Variants in TTF2 observed in about 807,000 individuals in gnomAD.
TTF2 encodes transcription termination factor 2, also known as RNA polymerase II termination factor.
In TTF2, 108 loss-of-function variants were observed where a neutral mutation model predicts 142.4. The ratio of observed to expected loss-of-function variants is 0.76; its 90% CI spans 0.65 to 0.89. The LOEUF is 0.89. Among genes scored for constraint, TTF2 ranks in the 40% least tolerant of loss-of-function variants. The pLI, the probability that TTF2 is intolerant of heterozygous loss-of-function variation, is 0.00. For synonymous variants in TTF2, 483 were observed against 506.2 expected, an observed-to-expected ratio of 0.95 and a Z score of 0.61; for missense variants, 1,327 against 1,379.8, an observed-to-expected ratio of 0.96 and a Z score of 0.61.
intron 3 of TTF2, among the ~76,000 whole-genome samples, chr1:117,072,675 A>C (rs1479055396): frequency 6.6e-6 from 1 of 152,016 alleles, no homozygotes; most frequent in Non-Finnish European, 1.5e-5. Flanking sequence ...CGCCCACCTC[A>C]GCCTCCCGAA....
intron 2 of TTF2, among the ~76,000 whole-genome samples, chr1:117,061,418 A>G (rs1202434721): frequency 6.6e-6 from 1 of 152,250 alleles, no homozygotes; most frequent in Non-Finnish European, 1.5e-5. Context: ...TTTTAAAACT[A>G]TCATCACATC....
rs1287711144 is a variant in TTF2, at chr1:117,079,195, A to T, written c.1702-373A>T. ...GCGGAGGCTGCAGTGGGCTGAGATC[A>T]CGCCACTGCACTCTAGCCTGGGCAA... On this transcript the variant is annotated intron_variant, in intron 8 of 22. Transcript: ENST00000369466. This position sits in a 1 kb window ranked among gnomAD's most constrained non-coding sequence, Gnocchi z 4.2. Among the ~76,000 whole-genome samples the T allele has an allele frequency of 1.3e-5, 2 of 152,142 alleles. No individual in the cohort carries two copies. Among genetic ancestry groups the T allele is most frequent in the African/African-American group, 2.4e-5 (1 of 41,428 alleles).
rs1648665293 is a variant in TTF2 at position 117,092,299 on chromosome 1, T to G, written c.2805+349T>G. Among the ~76,000 whole-genome samples, 1 of 152,286 alleles carries G rather than the reference T, an allele frequency of 6.6e-6. No individual in the cohort carries two copies. Among genetic ancestry groups the G allele is most frequent in the South Asian group, 2.1e-4 (1 of 4,820 alleles). Reference sequence around the variant, plus strand: ...CATAAAGCTAATTTAGTTCTTGGGGTTTTCTGCTTTCAGGCAGTTTTGGGG... The same window carrying G: ...CATAAAGCTAATTTAGTTCTTGGGGGTTTCTGCTTTCAGGCAGTTTTGGGG... On this transcript the variant is annotated intron_variant, in intron 17 of 22. Coordinates refer to ENST00000369466, the MANE Select transcript of TTF2 (RefSeq NM_003594.4). This position sits in a 1 kb window ranked among gnomAD's most constrained non-coding sequence, Gnocchi z 4.4.
intron 3 of TTF2, among the ~76,000 whole-genome samples, chr1:117,071,255 C>T (rs1010703583): frequency 6.6e-6 from 1 of 151,610 alleles, no homozygotes; most frequent in Non-Finnish European, 1.5e-5. Flanking sequence ...ACAGCTGAAC[C>T]GCCCACCAAG....
rs1360078377 is a variant in TTF2, at chr1:117,073,103, G to A, written c.219-558G>A. ...TTTTTTTCTCCCTCGTAACTTATTT[G>A]TGGAAGGGATCAGGTTGTTTGTCCT... On this transcript the variant is annotated intron_variant, in intron 3 of 22. Transcript: ENST00000369466. This position sits in a 1 kb window ranked among gnomAD's most constrained non-coding sequence, Gnocchi z 4.4. Among the ~76,000 whole-genome samples, 1 of 152,120 alleles carries A rather than the reference G, an allele frequency of 6.6e-6. No individual in the cohort carries two copies. Among genetic ancestry groups the A allele is most frequent in the African/African-American group, 2.4e-5 (1 of 41,404 alleles).
At position 117,081,892 on chromosome 1, in the gene TTF2, A is replaced by T. The variant is rs761493577; in HGVS notation, c.1848A>T (p.Gln616His). ...MIALILTQKN[Q>H]EKKEEKEKST... is the part of the protein sequence containing the mutation. ...CGCTCATCCTGACCCAGAAGAATCA[A>T]GAGAAAAAGGAAGAAAAGGAGAAAA... The change falls in exon 10 of 23, where the codon CAA becomes CAT. Residue 616 changes from glutamine (Q) to histidine (H), a missense_variant. Physicochemically the swap from Gln to His is conservative, Grantham distance 24. Coordinates refer to ENST00000369466, the MANE Select transcript of TTF2 (RefSeq NM_003594.4). 3 of 1,614,106 alleles carry T rather than the reference A, an allele frequency of 1.9e-6. No individual in the cohort carries two copies. The highest frequency in any genetic ancestry group is 2.5e-6 in the Non-Finnish European group (3 of 1,180,046).
chr1:117,081,563 C>A (rs1647513191), intron 9 of TTF2, among the ~76,000 whole-genome samples: 1 of 152,094 alleles, frequency 6.6e-6, no homozygotes, highest in South Asian at 2.1e-4. Context: ...AACATAGGGA[C>A]TAGAATAATA....
chr1:117,078,266 A>T (rs991624302), intron 8 of TTF2, among the ~76,000 whole-genome samples: 1 of 152,236 alleles, frequency 6.6e-6, no homozygotes, highest in African/African-American at 2.4e-5. Flanking sequence ...GCAGTAAAGG[A>T]TCCATTTGTT....
intron 16 of TTF2, 140 bp downstream of exon 16, chr1:117,091,550 CTACTGAT>C: frequency 1.1e-6 from 1 of 923,628 alleles, no homozygotes. Context: ...AGAGTAAAAT[CTACTGAT>C]TGCAAACACG....
At position 117,087,353 on chromosome 1, in the gene TTF2, G is replaced by A. The variant is rs1052409469; in HGVS notation, c.2160+831G>A. ...TGTCGCCCAGGATGGAGTGCATGGT[G>A]CGATCTTGGCTCACTGCAACCTCTG... On this transcript the variant is annotated intron_variant, in intron 12 of 22. Transcript: ENST00000369466. The surrounding 1 kb of genome is among the most constrained non-coding windows in gnomAD (Gnocchi z 4.8). 2.0e-4 allele frequency among the ~76,000 whole-genome samples: 30 copies of A among 152,242 alleles called. No homozygotes were observed. Among genetic ancestry groups the A allele is most frequent in the African/African-American group, 7.2e-4 (30 of 41,548 alleles).
In TTF2 at chr1:117,090,165, TGAG is replaced by T; in HGVS notation, c.2457_2459del (p.Arg820del). ...AGTATTTTAACCAAGAGCCTTTTGC[TGAG>T]GAGAACAAAAGACCAGCTGGACTCT... On this transcript the variant is annotated inframe_deletion, in exon 14 of 23. Transcript: ENST00000369466. This position sits in a 1 kb window ranked among gnomAD's most constrained non-coding sequence, Gnocchi z 4.8. The T allele has an allele frequency of 6.2e-7, 1 of 1,614,126 alleles. No homozygotes were observed. Among genetic ancestry groups the T allele is most frequent in the Non-Finnish European group, 8.5e-7 (1 of 1,179,994 alleles).
Position 117,075,694 on chromosome 1 carries a change from A to G in TTF2, c.1110A>G (p.Leu370=). Residue 370 remains leucine (L), a synonymous_variant, in exon 5 of 23, where the codon CTA becomes CTG. Transcript: ENST00000369466. This position sits in a 1 kb window ranked among gnomAD's most constrained non-coding sequence, Gnocchi z 4.5. ...TTTCCTCTAAGCCTGGGAGCCCCCT[A>G]CTCTTTGACTCGACTCTGGACTTAG... ...VFVSSKPGSP[L]LFDSTLDLET... is the part of the protein sequence containing the mutation. 6.2e-7 allele frequency: 1 copy of G among 1,613,882 alleles called. No individual in the cohort carries two copies.
Position 117,075,213 on chromosome 1 carries a change from G to A in TTF2, c.629G>A (p.Gly210Asp). 6.2e-7 allele frequency: 1 copy of A among 1,614,166 alleles called. No homozygotes were observed. Among genetic ancestry groups the A allele is most frequent in the Non-Finnish European group, 8.5e-7 (1 of 1,180,038 alleles). The change falls in exon 5 of 23, where the codon GGC (glycine) becomes GAC (aspartate). Residue 210 changes from glycine (G) to aspartate (D), a missense_variant. Transcript: ENST00000369466. This position sits in a 1 kb window ranked among gnomAD's most constrained non-coding sequence, Gnocchi z 4.5. ...ATTCAGTGTGAGGCAGAGACTGGAG[G>A]CACACACAAAAGAGACTTTTCTGAA... ...AEIQCEAETG[G>D]THKRDFSEIK...
At chr1:117,091,073 G>T (rs1167487468) in intron 15 of TTF2, among the ~76,000 whole-genome samples, 1 of 151,624 alleles carries the variant, frequency 6.6e-6, no homozygotes, top group Non-Finnish European at 1.5e-5. Context: ...TTTCCTATTT[G>T]GTACCTCTCA....
At chr1:117,088,770 T>A in intron 12 of TTF2, 31 bp from the exon 13 acceptor site, 1 of 1,608,340 alleles carries the variant, frequency 6.2e-7, no homozygotes, top group African/African-American at 1.3e-5. Flanking sequence ...TTTCCCATAT[T>A]GTGGCTGGAT....
At position 117,091,124 on chromosome 1, in the gene TTF2, C is replaced by A. The variant is rs138800854; in HGVS notation, c.2589-204C>A. Among the ~76,000 whole-genome samples the A allele has an allele frequency of 9.2e-5, 14 of 152,084 alleles. No homozygotes were observed. In the South Asian group the frequency reaches 2.9e-3, roughly 32 times the overall value. ...TAAATATATTTTTTCTTCTTTTACA[C>A]CTTATATTTGTTAGCTTATTTTAAA... is the stretch of plus-strand genomic sequence containing the variant. On this transcript the variant is annotated intron_variant, in intron 15 of 22. Coordinates refer to ENST00000369466, the MANE Select transcript of TTF2 (RefSeq NM_003594.4).
Position 117,076,148 on chromosome 1 carries a change from G to C in TTF2, c.1276-32G>C. The C allele has an allele frequency of 6.3e-7, 1 of 1,584,434 alleles. No homozygotes were observed. The highest frequency in any genetic ancestry group is 1.7e-4 in the Middle Eastern group (1 of 5,940). On this transcript the variant is annotated intron_variant, in intron 5 of 22. Coordinates refer to ENST00000369466, the MANE Select transcript of TTF2 (RefSeq NM_003594.4). This position sits in a 1 kb window ranked among gnomAD's most constrained non-coding sequence, Gnocchi z 4.6. ...AACTATTCATCTAACAGTGTGAGAG[G>C]AGAGATCCATTTGATGGAATCTGTT...
Position 117,085,631 on chromosome 1 carries a change from T to C in TTF2, c.2055-786T>C, listed in dbSNP as rs1331633647. Among the ~76,000 whole-genome samples the C allele has an allele frequency of 6.6e-6, 1 of 152,244 alleles. No individual in the cohort carries two copies. The highest frequency in any genetic ancestry group is 1.5e-5 in the Non-Finnish European group (1 of 68,034). ...CTTTTAATATAAACTTGGCTTGATCTATGATTAGCAGAATTTTACTTTATT... is the reference window on the plus strand; with the variant it reads ...CTTTTAATATAAACTTGGCTTGATCCATGATTAGCAGAATTTTACTTTATT... On this transcript the variant is annotated intron_variant, in intron 11 of 22. Coordinates refer to ENST00000369466, the MANE Select transcript of TTF2 (RefSeq NM_003594.4). The surrounding 1 kb of genome is among the most constrained non-coding windows in gnomAD (Gnocchi z 4.7).
chr1:117,077,982 A>G lies in TTF2; in HGVS notation c.1640A>G (p.His547Arg), dbSNP rs747917706. 6.2e-7 allele frequency: 1 copy of G among 1,614,214 alleles called. No homozygotes were observed. Among genetic ancestry groups the G allele is most frequent in the Non-Finnish European group, 8.5e-7 (1 of 1,180,018 alleles). Reference sequence around the variant, plus strand: ...ACAAGTGAAGCCATCGGTCAACTGCATCGCTCACTTGAGTCATGTCCTGGT... The same window carrying G: ...ACAAGTGAAGCCATCGGTCAACTGCGTCGCTCACTTGAGTCATGTCCTGGT... ...KITSEAIGQL[H>R]RSLESCPGET... The change falls in exon 8 of 23, where the codon CAT (histidine) becomes CGT (arginine). Residue 547 changes from histidine to arginine, a missense_variant. Coordinates refer to ENST00000369466, the MANE Select transcript of TTF2 (RefSeq NM_003594.4).
Sources: gnomAD v4.1 joint callset for allele counts (sites outside exome capture counted in the v4.1 genomes callset) on GRCh38, gnomAD v4.1.1 for gene constraint, Gnocchi (gnomAD v3.1) non-coding constraint, MANE v1.5 for transcripts, NCBI Gene and HGNC (gene_info 2026-07-23, HGNC 2026-07-21) for gene names.